GABRB2: variants seen among roughly 807,000 people sequenced by gnomAD.
The protein encoded by GABRB2 is gamma-aminobutyric acid type A receptor subunit beta2, also known as gamma-aminobutyric acid receptor subunit beta-2.
GABRB2 carries 16 observed loss-of-function variants against 54.7 expected under a neutral mutation model. The observed-to-expected ratio is 0.29, with a 90% confidence interval of 0.20 to 0.44. The LOEUF (loss-of-function observed/expected upper bound fraction) is 0.44, where lower values mean the gene tolerates loss of function less well. Ranked by LOEUF, GABRB2 falls within the 20% of genes least tolerant of loss-of-function variation. The pLI, the probability that GABRB2 is intolerant of heterozygous loss-of-function variation, is 1.00. For missense variants in GABRB2, 355 were observed against 644.0 expected (o/e 0.55, Z 4.86); for synonymous variants, 244 against 233.8 (o/e 1.04, Z -0.40).
At chr5:161,490,389 A>T (rs1393610266) in intron 3 of GABRB2, among the ~76,000 whole-genome samples, 2 of 151,714 alleles carry the variant, frequency 1.3e-5, no homozygotes, top group Admixed American at 1.3e-4. Context: ...ATGGTTCACA[A>T]GGGTGGTTTA....
At chr5:161,341,479 G>A (rs1006596412) in intron 5 of GABRB2, among the ~76,000 whole-genome samples, 1 of 151,462 alleles carries the variant, frequency 6.6e-6, no homozygotes, top group Non-Finnish European at 1.5e-5. Flanking sequence ...AATTCAGAGG[G>A]CCTATAAATA....
chr5:161,458,961 A>G (rs1428697617), intron 4 of GABRB2, among the ~76,000 whole-genome samples: 1 of 151,614 alleles, frequency 6.6e-6, no homozygotes, highest in Non-Finnish European at 1.5e-5. Context: ...TCAGAGAAAG[A>G]TATATTTTTT....
chr5:161,507,868 G>A (rs1248063729), intron 3 of GABRB2, among the ~76,000 whole-genome samples: 1 of 152,028 alleles, frequency 6.6e-6, no homozygotes, highest in Admixed American at 6.6e-5. Flanking sequence ...TGTCAAGGAT[G>A]TAGAGCAACC....
At chr5:161,541,244 T>A (rs1469544344) in intron 3 of GABRB2, among the ~76,000 whole-genome samples, 1 of 151,986 alleles carries the variant, frequency 6.6e-6, no homozygotes, top group South Asian at 2.1e-4. Flanking sequence ...TAAACAGATA[T>A]GCTGTCATCT....
intron 9 of GABRB2, among the ~76,000 whole-genome samples, chr5:161,308,920 C>A (rs1757779312): frequency 1.3e-5 from 2 of 152,082 alleles, no homozygotes; most frequent in South Asian, 4.2e-4. Flanking sequence ...AGAAAACAAC[C>A]TAGGCAATAC....
chr5:161,463,160 C>T (rs1445834971), intron 3 of GABRB2, among the ~76,000 whole-genome samples: 1 of 151,872 alleles, frequency 6.6e-6, no homozygotes, highest in Non-Finnish European at 1.5e-5. Flanking sequence ...ACTAAAAATT[C>T]TGGACGAAAT....
intron 5 of GABRB2, among the ~76,000 whole-genome samples, chr5:161,356,591 A>G (rs1046863113): frequency 8.5e-5 from 13 of 152,170 alleles, no homozygotes; most frequent in African/African-American, 3.1e-4. Context: ...TCATCATTAG[A>G]ATATGAAAAG....
chr5:161,547,670 A>G (rs1380077325), upstream of GABRB2, among the ~76,000 whole-genome samples: 1 of 151,968 alleles, frequency 6.6e-6, no homozygotes, highest in Non-Finnish European at 1.5e-5. Context: ...TGGGGTTTGC[A>G]TGAGGGGGAG....
intron 4 of GABRB2, among the ~76,000 whole-genome samples, chr5:161,419,862 C>T (rs1002869908): frequency 6.6e-6 from 1 of 152,076 alleles, no homozygotes; most frequent in Non-Finnish European, 1.5e-5. Context: ...CAAAGTTCAG[C>T]GTTCACTATT....
chr5:161,522,996 T>G (rs997345427), intron 3 of GABRB2, among the ~76,000 whole-genome samples: 3 of 151,546 alleles, frequency 2.0e-5, no homozygotes, highest in African/African-American at 7.3e-5. Context: ...TTTTAGTATG[T>G]GCAGATAATT....
chr5:161,314,437 T>C (rs1001593064), intron 9 of GABRB2, among the ~76,000 whole-genome samples: 1 of 152,170 alleles, frequency 6.6e-6, no homozygotes, highest in African/African-American at 2.4e-5. Flanking sequence ...CCATTTTTGT[T>C]ATGTCTCCCT....
At chr5:161,406,709 T>C (rs1022082449) in intron 5 of GABRB2, among the ~76,000 whole-genome samples, 1 of 152,046 alleles carries the variant, frequency 6.6e-6, no homozygotes, top group Non-Finnish European at 1.5e-5. Flanking sequence ...TGCCAGTGTC[T>C]CTCAGGTAAT....
intron 4 of GABRB2, among the ~76,000 whole-genome samples, chr5:161,432,377 A>G (rs1303506485): frequency 4.6e-5 from 7 of 152,198 alleles, no homozygotes; most frequent in African/African-American, 1.7e-4. Flanking sequence ...CACAATTTAT[A>G]CTGTGAGCTC....
chr5:161,361,657 G>C (rs1754813929), intron 5 of GABRB2, among the ~76,000 whole-genome samples: 1 of 152,120 alleles, frequency 6.6e-6, no homozygotes, highest in South Asian at 2.1e-4. Flanking sequence ...ACAGAGGTGG[G>C]ATTTAAATTC....
At chr5:161,410,903 C>A in intron 5 of GABRB2, 72 bp downstream of exon 5, 1 of 1,173,944 alleles carries the variant, frequency 8.5e-7, no homozygotes, top group Non-Finnish European at 1.3e-6. Context: ...TGGACATGAG[C>A]CAGGACTGGA....
At chr5:161,496,826 T>C (rs1759263337) in intron 3 of GABRB2, among the ~76,000 whole-genome samples, 1 of 152,168 alleles carries the variant, frequency 6.6e-6, no homozygotes, top group African/African-American at 2.4e-5. Context: ...TTGATAACTC[T>C]GCAAGGTGCA....
intron 4 of GABRB2, among the ~76,000 whole-genome samples, chr5:161,439,720 A>G (rs1757409487): frequency 6.6e-6 from 1 of 152,158 alleles, no homozygotes; most frequent in South Asian, 2.1e-4. Flanking sequence ...TTGTATGCTT[A>G]CGCAAATAAT....
chr5:161,432,111 T>A (rs915337422), intron 4 of GABRB2, among the ~76,000 whole-genome samples: 1 of 152,198 alleles, frequency 6.6e-6, no homozygotes, highest in African/African-American at 2.4e-5. Context: ...TGAGCCTGAA[T>A]GCCTTTCAGA....
chr5:161,441,077 G>GT (rs1757453822), intron 4 of GABRB2, among the ~76,000 whole-genome samples: 1 of 152,118 alleles, frequency 6.6e-6, no homozygotes, highest in Non-Finnish European at 1.5e-5. Context: ...AGCAGTACCT[G>GT]CAAGCACAGG....
Sources: gnomAD v4.1 joint callset for allele counts (sites outside exome capture counted in the v4.1 genomes callset) on GRCh38, gnomAD v4.1.1 for gene constraint, MANE v1.5 for transcripts, NCBI Gene and HGNC (gene_info 2026-07-23, HGNC 2026-07-21) for gene names.